LRRC4C: variants seen among roughly 807,000 people sequenced by gnomAD.
LRRC4C encodes leucine rich repeat containing 4C.
Under a neutral mutation model 33.6 loss-of-function variants are expected in LRRC4C, and 5 were observed. The observed-to-expected ratio is 0.15, with a 90% confidence interval of 0.08 to 0.31. The LOEUF is 0.31. Ranked by LOEUF, LRRC4C falls within the 10% of genes least tolerant of loss-of-function variation. The probability of loss-of-function intolerance (pLI) is 1.00; values close to 1 mark genes in which losing one functional copy is unlikely to be tolerated. For missense variants in LRRC4C, 560 were observed against 796.7 expected (o/e 0.70, Z 3.58); for synonymous variants, 329 against 302.0 (o/e 1.09, Z -0.93).
chr11:40,479,474 G>C (rs1953427574), intron 3 of LRRC4C, among the ~76,000 whole-genome samples: 1 of 152,084 alleles, frequency 6.6e-6, no homozygotes, highest in African/African-American at 2.4e-5. Flanking sequence ...TATTTTGAGA[G>C]CAGTGAAGAA....
intron 3 of LRRC4C, among the ~76,000 whole-genome samples, chr11:40,392,619 C>T (rs1161027200): frequency 6.6e-6 from 1 of 152,034 alleles, no homozygotes; most frequent in Admixed American, 6.6e-5. Flanking sequence ...TTCCTACTAT[C>T]TGATAGCTGT....
At chr11:40,153,226 C>G (rs1858373208) in intron 5 of LRRC4C, among the ~76,000 whole-genome samples, 1 of 152,110 alleles carries the variant, frequency 6.6e-6, no homozygotes, top group Non-Finnish European at 1.5e-5. Flanking sequence ...GAAGCCATGT[C>G]CATAGGAAAA....
At chr11:40,157,448 G>T (rs1406414300) in intron 5 of LRRC4C, among the ~76,000 whole-genome samples, 2 of 152,030 alleles carry the variant, frequency 1.3e-5, no homozygotes, top group Non-Finnish European at 2.9e-5. Flanking sequence ...ACAGCAAAAG[G>T]AACAGTCAGC....
At chr11:40,328,786 T>G (rs1946215058) in intron 3 of LRRC4C, among the ~76,000 whole-genome samples, 2 of 152,208 alleles carry the variant, frequency 1.3e-5, no homozygotes, top group Non-Finnish European at 2.9e-5. Flanking sequence ...TACAGAATAT[T>G]TTATGGGTTA....
chr11:40,653,160 T>C (rs1942906696), intron 2 of LRRC4C, among the ~76,000 whole-genome samples: 1 of 152,158 alleles, frequency 6.6e-6, no homozygotes, highest in Non-Finnish European at 1.5e-5. Context: ...ATATAGTTAG[T>C]TGGTACCAGG....
chr11:40,278,311 G>T (rs1178093217), intron 4 of LRRC4C, among the ~76,000 whole-genome samples: 1 of 152,148 alleles, frequency 6.6e-6, no homozygotes, highest in Non-Finnish European at 1.5e-5. Flanking sequence ...GAGAGATCTG[G>T]AATGGCGTAT....
At chr11:41,153,349 C>G (rs1446855806) in intron 1 of LRRC4C, among the ~76,000 whole-genome samples, 1 of 151,986 alleles carries the variant, frequency 6.6e-6, no homozygotes, top group Non-Finnish European at 1.5e-5. Context: ...CTTTGCATCC[C>G]TAGAACACAG....
intron 4 of LRRC4C, among the ~76,000 whole-genome samples, chr11:40,277,406 A>G (rs1185423697): frequency 1.3e-5 from 2 of 152,146 alleles, no homozygotes; most frequent in East Asian, 3.8e-4. Context: ...TGGCCAAACT[A>G]GAGGCAAAAT....
chr11:40,282,731 T>C (rs1204983309), intron 4 of LRRC4C, among the ~76,000 whole-genome samples: 2 of 152,206 alleles, frequency 1.3e-5, no homozygotes, highest in Admixed American at 1.3e-4. Context: ...ATCCTATCAT[T>C]TACCACTTTC....
intron 2 of LRRC4C, among the ~76,000 whole-genome samples, chr11:40,769,068 A>G (rs1374617941): frequency 6.6e-6 from 1 of 152,048 alleles, no homozygotes; most frequent in African/African-American, 2.4e-5. Context: ...TAATTTGATA[A>G]TACACAGAAA....
chr11:41,234,692 G>A (rs1275032798), intron 1 of LRRC4C, among the ~76,000 whole-genome samples: 1 of 152,004 alleles, frequency 6.6e-6, no homozygotes, highest in African/African-American at 2.4e-5. Flanking sequence ...GCCATATGTG[G>A]CTTTGAAGAG....
intron 4 of LRRC4C, among the ~76,000 whole-genome samples, chr11:40,251,703 C>T (rs1280882358): frequency 3.3e-5 from 5 of 152,170 alleles, no homozygotes; most frequent in Non-Finnish European, 4.4e-5. Flanking sequence ...CTGATTACAG[C>T]TGAAAGAAAC....
At chr11:40,437,059 A>AT (rs760179772) in intron 3 of LRRC4C, among the ~76,000 whole-genome samples, 4 of 152,122 alleles carry the variant, frequency 2.6e-5, no homozygotes, top group African/African-American at 7.2e-5. Context: ...TTTTTATTAT[A>AT]TTTTTTGTGG....
intron 1 of LRRC4C, among the ~76,000 whole-genome samples, chr11:41,375,538 G>C (rs1952906076): frequency 1.3e-5 from 2 of 152,162 alleles, no homozygotes; most frequent in African/African-American, 2.4e-5. Context: ...CCAATGTTCA[G>C]TGTGAGTTTC....
intron 2 of LRRC4C, among the ~76,000 whole-genome samples, chr11:40,707,062 G>C (rs574740759): frequency 6.6e-6 from 1 of 152,264 alleles, no homozygotes; most frequent in South Asian, 2.1e-4. Context: ...CATTGATTTT[G>C]TATCCTGAGA....
chr11:41,145,744 A>G (rs1259394353), intron 1 of LRRC4C, among the ~76,000 whole-genome samples: 1 of 152,150 alleles, frequency 6.6e-6, no homozygotes, highest in Non-Finnish European at 1.5e-5. Context: ...AGTCCTTGGC[A>G]CCGAGTTGGT....
intron 1 of LRRC4C, among the ~76,000 whole-genome samples, chr11:41,123,804 A>C (rs1942598079): frequency 6.6e-6 from 1 of 152,146 alleles, no homozygotes; most frequent in Admixed American, 6.5e-5. Flanking sequence ...GTGTGGTTTA[A>C]TCAATGCAGA....
At chr11:40,139,164 A>G (rs1158086662) in intron 6 of LRRC4C, among the ~76,000 whole-genome samples, 1 of 152,130 alleles carries the variant, frequency 6.6e-6, no homozygotes, top group African/African-American at 2.4e-5. Flanking sequence ...CGGAGGGTTA[A>G]AGGAAGAAAA....
At chr11:41,453,557 AGACATGGGCTTT>A (rs1564962840) in intron 1 of LRRC4C, among the ~76,000 whole-genome samples, 1 of 152,134 alleles carries the variant, frequency 6.6e-6, no homozygotes, top group Non-Finnish European at 1.5e-5. Flanking sequence ...ATAAAAGAAC[AGACATGGGCTTT>A]GGAGTGAGTC....
Sources: gnomAD v4.1 joint callset for allele counts (sites outside exome capture counted in the v4.1 genomes callset) on GRCh38, gnomAD v4.1.1 for gene constraint, MANE v1.5 for transcripts, NCBI Gene and HGNC (gene_info 2026-07-23, HGNC 2026-07-21) for gene names.